GIGYF1: variants seen among roughly 807,000 people sequenced by gnomAD.
GIGYF1 encodes GRB10 interacting GYF protein 1.
Under a neutral mutation model 147.1 loss-of-function variants are expected in GIGYF1, and 84 were observed. That is an observed-to-expected ratio of 0.57 (90% confidence interval 0.48 to 0.68). The LOEUF (loss-of-function observed/expected upper bound fraction) is 0.68. Among genes scored for constraint, GIGYF1 ranks in the 30% least tolerant of loss-of-function variants. The probability of loss-of-function intolerance (pLI) is 0.00; values close to 1 mark genes in which losing one functional copy is unlikely to be tolerated. For missense variants in GIGYF1, 1,485 were observed against 1,393.7 expected, an observed-to-expected ratio of 1.07 and a Z score of -1.04; for synonymous variants, 752 against 589.5, an observed-to-expected ratio of 1.28 and a Z score of -3.99.
rs768260865 is a variant in GIGYF1, at chr7:100,687,470, C to T, written c.373+35G>A. ...CGTTCTCGAAGTCAGGGGCCCAGATCTGCCCGTCCCCAGGACACGCCATCA... is the reference window on the plus strand; with the variant it reads ...CGTTCTCGAAGTCAGGGGCCCAGATTTGCCCGTCCCCAGGACACGCCATCA... On this transcript the variant is annotated intron_variant, in intron 7 of 26. Coordinates refer to ENST00000678049, the MANE Select transcript of GIGYF1 (RefSeq NM_001375765.1). 5 of 1,605,558 alleles carry T rather than the reference C, an allele frequency of 3.1e-6. No individual in the cohort carries two copies. In the East Asian group the frequency reaches 8.9e-5, roughly 29 times the overall value.
rs1349455882 is a variant in GIGYF1 at position 100,688,275 on chromosome 7, G to A, written c.-37C>T. On this transcript the variant is annotated 5_prime_UTR_variant, in exon 4 of 27. Transcript: ENST00000678049. ...GCGTGTTTGAGAGGCCGGGGGTGGG[G>A]AGGAGGGGACCTGGCGTTCACTGTC... The A allele has an allele frequency of 1.6e-6, 2 of 1,249,082 alleles. No individual in the cohort carries two copies. Among genetic ancestry groups the A allele is most frequent in the Admixed American group, 1.7e-5 (1 of 58,354 alleles). The allele number at this position is 1,249,082 out of a possible 1,614,324, so 77.4% of individuals were successfully genotyped here.
At chr7:100,692,640 C>G (rs1411848765) in intron 1 of GIGYF1, among the ~76,000 whole-genome samples, 1 of 152,178 alleles carries the variant, frequency 6.6e-6, no homozygotes, top group Non-Finnish European at 1.5e-5. Flanking sequence ...CGCATCAGAT[C>G]ACGAACACAA....
In GIGYF1 at chr7:100,684,154, G is replaced by C. The variant is rs1278964908; in HGVS notation, c.1734C>G (p.Arg578=). The change falls in exon 18 of 27, where the codon CGC becomes CGG. Residue 578 remains arginine, a synonymous_variant. Coordinates refer to ENST00000678049, the MANE Select transcript of GIGYF1 (RefSeq NM_001375765.1). ...CTCGGAGCGCGCACTGTGGGAGCTG[G>C]CGGCTGCAAATGGGACAGTGGAGAT... ...HQQFLQLVSS[R]QLPQCALREK... The C allele has an allele frequency of 6.2e-7, 1 of 1,608,908 alleles. No homozygotes were observed. Among genetic ancestry groups the C allele is most frequent in the Non-Finnish European group, 8.5e-7 (1 of 1,179,576 alleles).
intron 26 of GIGYF1, 41 bp from the exon 27 acceptor site, chr7:100,681,812 C>T: frequency 6.2e-7 from 1 of 1,601,312 alleles, no homozygotes; most frequent in Non-Finnish European, 8.5e-7. Context: ...CTCTCCTGGG[C>T]TCCTCCTGCC....
intron 13 of GIGYF1, 79 bp from the exon 14 acceptor site, chr7:100,685,225 A>C: frequency 6.6e-7 from 1 of 1,516,354 alleles, no homozygotes; most frequent in Non-Finnish European, 9.0e-7. Context: ...ACTCCAGAAC[A>C]CCACGCTCTT....
intron 25 of GIGYF1, 32 bp from the exon 26 acceptor site, chr7:100,682,025 G>A: frequency 1.2e-6 from 2 of 1,610,242 alleles, no homozygotes; most frequent in Non-Finnish European, 1.7e-6. Context: ...TGAAGGTCAG[G>A]AGGCACCAGG....
intron 1 of GIGYF1, among the ~76,000 whole-genome samples, chr7:100,690,738 C>A (rs577480148): frequency 6.7e-6 from 1 of 149,834 alleles, no homozygotes; most frequent in African/African-American, 2.5e-5. Flanking sequence ...GCTGAGATTG[C>A]GCCCCTGCAC....
intron 4 of GIGYF1, 43 bp from the exon 5 acceptor site, chr7:100,688,153 C>G (rs1368934748): frequency 6.2e-7 from 1 of 1,608,558 alleles, no homozygotes. Context: ...TCAGGGCAGC[C>G]TGACTGTGCT....
At chr7:100,682,565 C>G in intron 23 of GIGYF1, 25 bp downstream of exon 23, 4 of 1,591,110 alleles carry the variant, frequency 2.5e-6, no homozygotes, top group Non-Finnish European at 3.4e-6. Flanking sequence ...AGGGCCATCC[C>G]GGAGCCTCCA....
chr7:100,693,956 G>A (rs1015639288), intron 1 of GIGYF1, 154 bp downstream of exon 1: 11 of 150,728 alleles, frequency 7.3e-5, no homozygotes, highest in African/African-American at 2.7e-4. Flanking sequence ...GCGGCCTCGG[G>A]GAGGAGACGG....
intron 25 of GIGYF1, 30 bp downstream of exon 25, chr7:100,682,042 C>G (rs754923087): frequency 3.1e-6 from 5 of 1,611,434 alleles, no homozygotes; most frequent in African/African-American, 1.3e-5. Context: ...CAGGCAAGCC[C>G]ACCCCAGCTG....
intron 1 of GIGYF1, among the ~76,000 whole-genome samples, chr7:100,690,063 G>A (rs1805708535): frequency 6.6e-6 from 1 of 152,200 alleles, no homozygotes; most frequent in Non-Finnish European, 1.5e-5. Flanking sequence ...GCACACCAAT[G>A]TGAGTGTACT....
chr7:100,692,164 C>A (rs1030497815), intron 1 of GIGYF1, among the ~76,000 whole-genome samples: 2 of 152,202 alleles, frequency 1.3e-5, no homozygotes, highest in African/African-American at 4.8e-5. Flanking sequence ...ATTCTCCAAG[C>A]GTGGTAGGGT....
intron 1 of GIGYF1, among the ~76,000 whole-genome samples, chr7:100,690,975 G>A (rs745504561): frequency 4.3e-4 from 65 of 151,718 alleles, no homozygotes; most frequent in Non-Finnish European, 9.1e-4. Context: ...GAGAGAGCAG[G>A]CCCAGAGCAG....
rs116334742 is a variant in GIGYF1, at chr7:100,688,903, G to A, written c.-446C>T. On this transcript the variant is annotated 5_prime_UTR_variant, in exon 2 of 27. Coordinates refer to ENST00000678049, the MANE Select transcript of GIGYF1 (RefSeq NM_001375765.1). Reference sequence around the variant, plus strand: ...GAAGAACTCGGGGAGGGAGGCAGCCGAGGCCAGGATGGACGTTCAGGGCAA... The same window carrying A: ...GAAGAACTCGGGGAGGGAGGCAGCCAAGGCCAGGATGGACGTTCAGGGCAA... The A allele has an allele frequency of 5.7e-3, 914 of 160,368 alleles. 10 individuals are homozygous for A. The highest frequency in any genetic ancestry group is 0.02 in the African/African-American group (851 of 41,672). The allele number at this position is 160,368 out of a possible 1,614,324, so 9.9% of individuals were successfully genotyped here. A position where few individuals can be genotyped will look rare whatever the true frequency, so the allele number is the denominator to read the frequency against.
rs189573755 is a variant in GIGYF1 at position 100,688,732 on chromosome 7, G to C, written c.-275C>G. 8.1e-4 allele frequency: 266 copies of C among 329,388 alleles called. No homozygotes were observed. Among genetic ancestry groups the C allele is most frequent in the Non-Finnish European group, 7.4e-4 (121 of 163,884 alleles). 20.4% of individuals were successfully genotyped at this position (329,388 alleles called of 1,614,324 possible). On this transcript the variant is annotated 5_prime_UTR_variant, in exon 2 of 27. Coordinates refer to ENST00000678049, the MANE Select transcript of GIGYF1 (RefSeq NM_001375765.1). ...CTGGGAAAGACCCTTAAGGAGAGCA[G>C]GGGGGAGGAGGGAGGGTTCAGGACA... is the stretch of plus-strand genomic sequence containing the variant.
At chr7:100,693,249 A>G (rs1805961498) in intron 1 of GIGYF1, among the ~76,000 whole-genome samples, 1 of 152,096 alleles carries the variant, frequency 6.6e-6, no homozygotes, top group Non-Finnish European at 1.5e-5. Context: ...ACTGTATAAC[A>G]GAGAAGAGAG....
rs1804538149 is a variant in GIGYF1 at position 100,679,665 on chromosome 7, G to A, written c.*2054C>T. 6.5e-6 allele frequency: 1 copy of A among 152,754 alleles called. No homozygotes were observed. Among genetic ancestry groups the A allele is most frequent in the Non-Finnish European group, 1.5e-5 (1 of 68,218 alleles). 9.5% of individuals were successfully genotyped at this position (152,754 alleles called of 1,614,324 possible). On this transcript the variant is annotated 3_prime_UTR_variant, in exon 27 of 27. Transcript: ENST00000678049. ...CTGCACCCACCCCAACCCCAGGAAG[G>A]GCAGGGGAGCAGCGAGGGCCCAGGA...
chr7:100,691,670 C>T (rs1805841395), intron 1 of GIGYF1, among the ~76,000 whole-genome samples: 1 of 152,068 alleles, frequency 6.6e-6, no homozygotes, highest in Admixed American at 6.5e-5. Context: ...AGCTCAGGGT[C>T]TCCTTCTCAC....
Sources: allele counts gnomAD v4.1 joint callset (sites outside exome capture counted in the v4.1 genomes callset), GRCh38; gene constraint gnomAD v4.1.1; transcripts MANE v1.5; gene names NCBI Gene and HGNC (gene_info 2026-07-23, HGNC 2026-07-21).